Variants in GLI2 observed in about 807,000 individuals in gnomAD.
GLI2 encodes the protein transcription activator GLI2.
Under a neutral mutation model 78.9 loss-of-function variants are expected in GLI2, and 22 were observed. That is an observed-to-expected ratio of 0.28 (90% confidence interval 0.20 to 0.40). The LOEUF (loss-of-function observed/expected upper bound fraction) is 0.40, where lower values mean the gene tolerates loss of function less well. Ranked by LOEUF, GLI2 falls within the 10% of genes least tolerant of loss-of-function variation. The pLI, the probability that GLI2 is intolerant of heterozygous loss-of-function variation, is 1.00. For missense variants in GLI2, 2,097 were observed against 2,213.2 expected (o/e 0.95, Z 1.05); for synonymous variants, 974 against 963.7 (o/e 1.01, Z -0.20).
chr2:120,899,418 C>T (rs939686469), intron 2 of GLI2, among the ~76,000 whole-genome samples: 2 of 148,532 alleles, frequency 1.3e-5, no homozygotes, highest in African/African-American at 5.2e-5. Flanking sequence ...CACACACACA[C>T]ACACACACAC....
intron 1 of GLI2, among the ~76,000 whole-genome samples, chr2:120,761,343 G>A (rs942544123): frequency 9.2e-5 from 14 of 152,244 alleles, no homozygotes; most frequent in African/African-American, 3.4e-4. Context: ...AGCCCAGGAG[G>A]TGAGACCAAG....
chr2:120,793,956 A>G (rs533239880), intron 1 of GLI2, among the ~76,000 whole-genome samples: 1 of 152,282 alleles, frequency 6.6e-6, no homozygotes, highest in South Asian at 2.1e-4. Context: ...TGGTGATGAC[A>G]TCTGCTGTGC....
chr2:120,879,030 G>A (rs1688906338), intron 2 of GLI2, among the ~76,000 whole-genome samples: 1 of 152,156 alleles, frequency 6.6e-6, no homozygotes, highest in African/African-American at 2.4e-5. Context: ...CTGCGAGCAT[G>A]GAGAGGATAG....
intron 1 of GLI2, among the ~76,000 whole-genome samples, chr2:120,741,616 C>T (rs1682543010): frequency 6.6e-6 from 1 of 152,062 alleles, no homozygotes; most frequent in African/African-American, 2.4e-5. Context: ...CCCTCCGCCT[C>T]CTCCCCGCCC....
At chr2:120,899,530 C>G (rs166746) in intron 2 of GLI2, among the ~76,000 whole-genome samples, 21,191 of 152,152 alleles carry the variant, frequency 0.14, 2,686 homozygotes, top group African/African-American at 0.34. Context: ...TGAGCCTGCG[C>G]AAGGCCATCA....
chr2:120,927,243 G>T, intron 2 of GLI2, 118 bp from the exon 3 acceptor site: 1 of 800,924 alleles, frequency 1.2e-6, no homozygotes, highest in South Asian at 1.3e-5. Flanking sequence ...GCACTGCGGA[G>T]CCCCTTGTCC....
chr2:120,870,528 T>C (rs1032989254), intron 2 of GLI2, among the ~76,000 whole-genome samples: 4 of 152,084 alleles, frequency 2.6e-5, no homozygotes, highest in Admixed American at 2.0e-4. Context: ...GTGAAAGAGA[T>C]TGGAGTATGG....
chr2:120,788,510 C>T lies in GLI2; in HGVS notation c.-30-8781C>T, dbSNP rs539592804. ...TCAACCTCAAAGTAGGTCTTACCCA[C>T]AGCTTCCCAGAGGGAAAAAGTCCTC... is the stretch of plus-strand genomic sequence containing the variant. On this transcript the variant is annotated intron_variant, in intron 1 of 13. Coordinates refer to ENST00000361492, the MANE Select transcript of GLI2 (RefSeq NM_001374353.1). 3.6e-4 allele frequency among the ~76,000 whole-genome samples: 55 copies of T among 152,338 alleles called. 1 individual carries two copies. The South Asian group carries it at 0.011, about 31-fold the overall frequency.
At chr2:120,955,217 G>T (rs527463058) in intron 4 of GLI2, 28 bp from the exon 5 acceptor site, 1 of 1,326,562 alleles carries the variant, frequency 7.5e-7, no homozygotes, top group Admixed American at 1.8e-5. Flanking sequence ...AGGTTCTGAC[G>T]GCTTCTTTCT....
At chr2:120,854,088 T>G (rs1048588676) in intron 2 of GLI2, among the ~76,000 whole-genome samples, 1 of 152,020 alleles carries the variant, frequency 6.6e-6, no homozygotes, top group African/African-American at 2.4e-5. Flanking sequence ...CTCAAACTGC[T>G]CACATTCTGG....
chr2:120,988,348 A>G lies in GLI2; in HGVS notation c.2383A>G (p.Thr795Ala). Residue 795 changes from threonine to alanine, a missense_variant, in exon 14 of 14, where the codon ACG becomes GCG. Physicochemically the swap from Thr to Ala is moderately conservative, Grantham distance 58 (BLOSUM62 0). Transcript: ENST00000361492. ...LQERRDSSTSTVSSAYTVSRR... is the reference protein window; with the variant it reads ...LQERRDSSTSAVSSAYTVSRR... ...GGAGCGCCGCGACAGCTCCACCAGC[A>G]CGGTCAGCTCGGCCTACACCGTGAG... 6.4e-7 allele frequency: 1 copy of G among 1,572,828 alleles called. No individual in the cohort carries two copies. The highest frequency in any genetic ancestry group is 8.6e-7 in the Non-Finnish European group (1 of 1,166,384).
chr2:120,889,092 C>T (rs1384981269), intron 2 of GLI2, among the ~76,000 whole-genome samples: 1 of 152,180 alleles, frequency 6.6e-6, no homozygotes, highest in African/African-American at 2.4e-5. Context: ...AGAAACAGAA[C>T]GCATCTTTAT....
At chr2:120,748,754 T>C (rs767180076) in intron 1 of GLI2, among the ~76,000 whole-genome samples, 8 of 152,234 alleles carry the variant, frequency 5.3e-5, no homozygotes, top group Non-Finnish European at 1.0e-4. Flanking sequence ...TCTAAAGTTA[T>C]ATCTTTCTGT....
Position 120,968,832 on chromosome 2 carries a change from C to G in GLI2, c.762C>G (p.Asn254Lys). 6.2e-7 allele frequency: 1 copy of G among 1,613,892 alleles called. No homozygotes were observed. Among genetic ancestry groups the G allele is most frequent in the Non-Finnish European group, 8.5e-7 (1 of 1,179,990 alleles). Residue 254 changes from asparagine to lysine, a missense_variant, in exon 6 of 14, where the codon AAC becomes AAG. Physicochemically the swap from Asn to Lys is moderately conservative, Grantham distance 94. Coordinates refer to ENST00000361492, the MANE Select transcript of GLI2 (RefSeq NM_001374353.1). ...AGCGGATGATCCGCACCTCACCCAA[C>G]TCGCTAGTGGCCTACATCAACAACT... ...DLQRMIRTSPNSLVAYINNSR... is the reference protein window; with the variant it reads ...DLQRMIRTSPKSLVAYINNSR...
intron 2 of GLI2, among the ~76,000 whole-genome samples, chr2:120,879,044 G>A (rs778983962): frequency 6.6e-6 from 1 of 152,176 alleles, no homozygotes. Context: ...AGGATAGTGT[G>A]TGTCTCCTCC....
chr2:120,988,120 G>A, intron 13 of GLI2, 88 bp from the exon 14 acceptor site: 4 of 1,166,158 alleles, frequency 3.4e-6, no homozygotes, highest in Non-Finnish European at 4.8e-6. Flanking sequence ...CTCTTCTCGG[G>A]CTCCAGGCCC....
intron 1 of GLI2, among the ~76,000 whole-genome samples, chr2:120,796,046 A>AAAACAAAC (rs549499204): frequency 6.6e-6 from 1 of 152,146 alleles, no homozygotes; most frequent in Non-Finnish European, 1.5e-5. Context: ...CTCCAGCTCA[A>AAAACAAAC]AAACAAACAA....
chr2:120,971,816 T>C (rs1185784466), intron 7 of GLI2, 125 bp from the exon 8 acceptor site: 2 of 851,508 alleles, frequency 2.3e-6, no homozygotes, highest in Non-Finnish European at 4.0e-6. Flanking sequence ...CTATTTCTGA[T>C]ACTTTAAACA....
At chr2:120,928,753 C>T (rs1441853533) in intron 3 of GLI2, among the ~76,000 whole-genome samples, 1 of 152,232 alleles carries the variant, frequency 6.6e-6, no homozygotes, top group East Asian at 1.9e-4. Flanking sequence ...TTTTTAAAAA[C>T]TGTTTTACTT....
Sources: gnomAD v4.1 joint callset for allele counts (sites outside exome capture counted in the v4.1 genomes callset) on GRCh38, gnomAD v4.1.1 for gene constraint, MANE v1.5 for transcripts, NCBI Gene and HGNC (gene_info 2026-07-23, HGNC 2026-07-21) for gene names.